Variants in CREBZF observed in about 807,000 individuals in gnomAD.
CREBZF encodes CREB/ATF bZIP transcription factor.
CREBZF carries 8 observed loss-of-function variants against 21.1 expected under a neutral mutation model. That is an observed-to-expected ratio of 0.38 (90% confidence interval 0.22 to 0.68). The LOEUF is 0.68. Ranked by LOEUF, CREBZF falls within the 30% of genes least tolerant of loss-of-function variation. The probability of loss-of-function intolerance (pLI) is 0.51; values close to 1 mark genes in which losing one functional copy is unlikely to be tolerated. For missense variants in CREBZF, 518 were observed against 484.3 expected (o/e 1.07, Z -0.65); for synonymous variants, 270 against 223.3 (o/e 1.21, Z -1.86).
In CREBZF at chr11:85,664,113, T is replaced by C; in HGVS notation, c.763A>G (p.Lys255Glu). ...TCCTCCTGCAGTGCCTGTACGCGTT[T>C]GCCCAGCTCCCGATTCTCGGCCCGC... ...ELRAENRELG[K>E]RVQALQEESR... is the part of the protein sequence containing the mutation. Residue 255 changes from lysine (K) to glutamate (E), a missense_variant, in exon 1 of 1, where the codon AAA becomes GAA. Around this residue, in one of 3 missense-constraint regions of CREBZF, gnomAD observed 114 missense variants for 134.1 expected, o/e 0.85. Coordinates refer to ENST00000527447, the MANE Select transcript of CREBZF (RefSeq NM_001039618.4). This position sits in a 1 kb window ranked among gnomAD's most constrained non-coding sequence, Gnocchi z 5.5. 6.2e-7 allele frequency: 1 copy of C among 1,613,634 alleles called. No individual in the cohort carries two copies. The highest frequency in any genetic ancestry group is 8.5e-7 in the Non-Finnish European group (1 of 1,180,018).
intron 1 of CREBZF, among the ~76,000 whole-genome samples, chr11:85,673,935 T>A (rs1192268793): frequency 6.6e-6 from 1 of 152,218 alleles, no homozygotes; most frequent in Non-Finnish European, 1.5e-5. Flanking sequence ...TCCATTCAAG[T>A]GATATCATGA....
chr11:85,663,787 G>A lies in CREBZF; in HGVS notation c.*24C>T, dbSNP rs2082758879. ...TAAGGGAGTTGAAAGGGGTAAACGCGGATAAAGAGCAGATTACTTGACCCT... is the reference window on the plus strand; with the variant it reads ...TAAGGGAGTTGAAAGGGGTAAACGCAGATAAAGAGCAGATTACTTGACCCT... On this transcript the variant is annotated 3_prime_UTR_variant, in exon 1 of 1. Transcript: ENST00000527447. 2 of 1,582,430 alleles carry A rather than the reference G, an allele frequency of 1.3e-6. No homozygotes were observed. The highest frequency in any genetic ancestry group is 1.7e-6 in the Non-Finnish European group (2 of 1,166,462).
intron 1 of CREBZF, among the ~76,000 whole-genome samples, chr11:85,670,437 G>A (rs2082904472): frequency 6.6e-6 from 1 of 150,612 alleles, no homozygotes; most frequent in African/African-American, 2.4e-5. Context: ...CCGAGTGGCT[G>A]GGACTACAGG....
chr11:85,673,715 G>T (rs566822092), intron 1 of CREBZF, among the ~76,000 whole-genome samples: 3 of 152,314 alleles, frequency 2.0e-5, no homozygotes, highest in East Asian at 3.9e-4. Flanking sequence ...ACGTGATGTT[G>T]TTTGATACCA....
intron 1 of CREBZF, among the ~76,000 whole-genome samples, chr11:85,681,111 A>AG (rs1395383529): frequency 6.6e-6 from 1 of 152,146 alleles, no homozygotes; most frequent in Non-Finnish European, 1.5e-5. Context: ...AGCTGTCTGG[A>AG]GGGGGAGGGT....
Position 85,662,706 on chromosome 11 carries a change from G to A in CREBZF, c.*1105C>T, listed in dbSNP as rs2082718327. 1 of 345,888 alleles carries A rather than the reference G, an allele frequency of 2.9e-6. No homozygotes were observed. 21.4% of individuals were successfully genotyped at this position (345,888 alleles called of 1,614,324 possible). A position where few individuals can be genotyped will look rare whatever the true frequency, so the allele number is the denominator to read the frequency against. ...AGGACAAATACTTTTGAAACACAGA[G>A]AATAAGATTCTTTGTGAAGCCTCAC... On this transcript the variant is annotated 3_prime_UTR_variant, in exon 1 of 1. Coordinates refer to ENST00000527447, the MANE Select transcript of CREBZF (RefSeq NM_001039618.4).
At chr11:85,675,145 G>A (rs978950901) in intron 1 of CREBZF, among the ~76,000 whole-genome samples, 2 of 152,180 alleles carry the variant, frequency 1.3e-5, no homozygotes, top group African/African-American at 4.8e-5. Flanking sequence ...GTTTACAGAA[G>A]TGGCCCTTTA....
Position 85,664,694 on chromosome 11 carries a change from CCTT to C in CREBZF, c.179_181del (p.Glu60del). 1 of 1,604,292 alleles carries C rather than the reference CCTT, an allele frequency of 6.2e-7. No homozygotes were observed. Among genetic ancestry groups the C allele is most frequent in the Non-Finnish European group, 8.5e-7 (1 of 1,176,390 alleles). ...GCTCCCCCTCCCGGCTTCCAACTCT[CCTT>C]CGTCGCCAAACTGCTGCTTGCGGCC... On this transcript the variant is annotated inframe_deletion, in exon 1 of 1. Transcript: ENST00000527447. This position sits in a 1 kb window ranked among gnomAD's most constrained non-coding sequence, Gnocchi z 5.5.
intron 1 of CREBZF, among the ~76,000 whole-genome samples, chr11:85,677,903 A>C (rs1360695308): frequency 6.6e-6 from 1 of 152,238 alleles, no homozygotes; most frequent in Non-Finnish European, 1.5e-5. Context: ...TTTTACTTTT[A>C]TCTGGAATTA....
At chr11:85,682,615 CGCGATCTTCCAG>C in intron 1 of CREBZF, 1 of 346,578 alleles carries the variant, frequency 2.9e-6, no homozygotes, top group Admixed American at 4.8e-5. Flanking sequence ...CTCCCCCCAA[CGCGATCTTCCAG>C]ACGCGCTCTT....
At chr11:85,671,084 TA>T (rs1374668556) in intron 1 of CREBZF, among the ~76,000 whole-genome samples, 1 of 152,182 alleles carries the variant, frequency 6.6e-6, no homozygotes, top group Non-Finnish European at 1.5e-5. Flanking sequence ...AAAAGAGGTT[TA>T]ATGGACTCAC....
chr11:85,658,430 G>A lies in CREBZF; in HGVS notation c.*5381C>T, dbSNP rs1369222710. Among the ~76,000 whole-genome samples, 1 of 151,910 alleles carries A rather than the reference G, an allele frequency of 6.6e-6. No homozygotes were observed. Among genetic ancestry groups the A allele is most frequent in the Non-Finnish European group, 1.5e-5 (1 of 67,842 alleles). ...TTATCTTTTCCATTAGCAGAAATGG[G>A]CAACATAAGCAATAAATCATGTTAA... is the stretch of plus-strand genomic sequence containing the variant. On this transcript the variant is annotated 3_prime_UTR_variant, in exon 1 of 1. Coordinates refer to ENST00000527447, the MANE Select transcript of CREBZF (RefSeq NM_001039618.4).
chr11:85,676,965 T>C (rs2082946381), intron 1 of CREBZF, among the ~76,000 whole-genome samples: 1 of 137,140 alleles, frequency 7.3e-6, no homozygotes, highest in African/African-American at 2.8e-5. Flanking sequence ...TTTTTCTTTT[T>C]CTGTCTTTTT....
rs781749364 is a variant in CREBZF, at chr11:85,664,449, A to G, written c.427T>C (p.Trp143Arg). 1.9e-6 allele frequency: 3 copies of G among 1,613,344 alleles called. No individual in the cohort carries two copies. The highest frequency in any genetic ancestry group is 2.5e-6 in the Non-Finnish European group (3 of 1,179,908). The change falls in exon 1 of 1, where the codon TGG becomes CGG. Residue 143 changes from tryptophan to arginine, a missense_variant. Physicochemically the swap from Trp to Arg is moderately radical, Grantham distance 101. Transcript: ENST00000527447. This position sits in a 1 kb window ranked among gnomAD's most constrained non-coding sequence, Gnocchi z 5.5. Reference sequence around the variant, plus strand: ...GCCTCATCGTCATCGTCCCCTCTCCACAGGCCGCCGCTATCCGAGCCTCCG... The same window carrying G: ...GCCTCATCGTCATCGTCCCCTCTCCGCAGGCCGCCGCTATCCGAGCCTCCG... Reference protein sequence around the residue: ...SGGGSDSGGLWRGDDDDEAAA... With the variant: ...SGGGSDSGGLRRGDDDDEAAA...
chr11:85,677,629 A>C (rs931222377), intron 1 of CREBZF, among the ~76,000 whole-genome samples: 3 of 152,162 alleles, frequency 2.0e-5, no homozygotes, highest in Non-Finnish European at 4.4e-5. Context: ...CTTAGGGCTT[A>C]ATTATCTTAA....
At chr11:85,676,497 C>T (rs539266426) in intron 1 of CREBZF, among the ~76,000 whole-genome samples, 29 of 152,276 alleles carry the variant, frequency 1.9e-4, no homozygotes, top group African/African-American at 6.3e-4. Context: ...ATAGACCCAT[C>T]GTCCAGATTT....
intron 1 of CREBZF, among the ~76,000 whole-genome samples, chr11:85,674,900 T>A (rs1464998211): frequency 6.6e-6 from 1 of 152,206 alleles, no homozygotes; most frequent in Non-Finnish European, 1.5e-5. Context: ...TCCTCTCTCC[T>A]TCAGAATACC....
chr11:85,676,732 G>T (rs1372495619), intron 1 of CREBZF, among the ~76,000 whole-genome samples: 2 of 151,372 alleles, frequency 1.3e-5, no homozygotes, highest in African/African-American at 2.4e-5. Flanking sequence ...GACCACCCTG[G>T]GCTCAGGTGG....
chr11:85,678,065 T>C (rs1176153257), intron 1 of CREBZF, among the ~76,000 whole-genome samples: 1 of 152,162 alleles, frequency 6.6e-6, no homozygotes, highest in Non-Finnish European at 1.5e-5. Flanking sequence ...TTTCACTCAA[T>C]TGTGGTTATA....
Sources: allele counts gnomAD v4.1 joint callset (sites outside exome capture counted in the v4.1 genomes callset), GRCh38; gene constraint gnomAD v4.1.1; regional missense constraint gnomAD v4.1.1; non-coding constraint Gnocchi (gnomAD v3.1); transcripts MANE v1.5; gene names NCBI Gene and HGNC (gene_info 2026-07-23, HGNC 2026-07-21).